KCNH8: variants seen among roughly 807,000 people sequenced by gnomAD.
KCNH8 encodes the protein potassium voltage-gated channel subfamily H member 8.
A neutral mutation model predicts 103.6 loss-of-function variants in KCNH8; 70 were observed. The ratio of observed to expected loss-of-function variants is 0.68; its 90% confidence interval spans 0.56 to 0.82. The LOEUF is 0.82. KCNH8 is among the 40% of genes least tolerant of loss of function. The probability of loss-of-function intolerance (pLI) is 0.00; values close to 1 mark genes in which losing one functional copy is unlikely to be tolerated. For synonymous variants in KCNH8, 498 were observed against 489.4 expected (o/e 1.02, Z -0.23); for missense variants, 1,217 against 1,329.9 (o/e 0.92, Z 1.32).
chr3:19,295,002 TA>T (rs1190692760), intron 3 of KCNH8, among the ~76,000 whole-genome samples: 2 of 152,200 alleles, frequency 1.3e-5, no homozygotes, highest in African/African-American at 4.8e-5. Context: ...ACTTTAAGAT[TA>T]AAACATCATT....
intron 2 of KCNH8, among the ~76,000 whole-genome samples, chr3:19,264,110 C>A (rs1253369493): frequency 6.6e-6 from 1 of 151,982 alleles, no homozygotes; most frequent in African/African-American, 2.4e-5. Context: ...TGAAGATTCT[C>A]CAATATATAT....
At chr3:19,488,368 GC>G (rs1393339365) in intron 11 of KCNH8, among the ~76,000 whole-genome samples, 1 of 152,182 alleles carries the variant, frequency 6.6e-6, no homozygotes, top group Non-Finnish European at 1.5e-5. Context: ...GCGGCTTGTT[GC>G]ATCTTTGTTC....
chr3:19,249,921 G>A (rs1575468397), intron 1 of KCNH8, among the ~76,000 whole-genome samples: 1 of 152,138 alleles, frequency 6.6e-6, no homozygotes, highest in Non-Finnish European at 1.5e-5. Context: ...TCTTTATGGG[G>A]TATCCTATAT....
intron 7 of KCNH8, among the ~76,000 whole-genome samples, chr3:19,419,347 C>G (rs2066915839): frequency 6.6e-6 from 1 of 151,308 alleles, no homozygotes; most frequent in South Asian, 2.1e-4. Context: ...CTACAGGCGC[C>G]CGCCACCACG....
At chr3:19,372,549 G>C (rs1233067253) in intron 5 of KCNH8, among the ~76,000 whole-genome samples, 9 of 152,064 alleles carry the variant, frequency 5.9e-5, no homozygotes, top group Admixed American at 5.2e-4. Flanking sequence ...CAATCATGTC[G>C]TCTGCAAACA....
intron 1 of KCNH8, among the ~76,000 whole-genome samples, chr3:19,160,882 C>G (rs886970259): frequency 2.0e-5 from 3 of 152,056 alleles, no homozygotes; most frequent in Non-Finnish European, 2.9e-5. Flanking sequence ...TTCAAGTAAA[C>G]CTTATTTTAC....
At chr3:19,447,452 T>G (rs2067379072) in intron 8 of KCNH8, among the ~76,000 whole-genome samples, 1 of 152,044 alleles carries the variant, frequency 6.6e-6, no homozygotes, top group Admixed American at 6.6e-5. Context: ...TCTCTTACTT[T>G]AAGTGCTTTA....
At chr3:19,497,779 G>T (rs1027375402) in intron 11 of KCNH8, among the ~76,000 whole-genome samples, 1 of 152,064 alleles carries the variant, frequency 6.6e-6, no homozygotes, top group Non-Finnish European at 1.5e-5. Flanking sequence ...TTGAATTCAG[G>T]TCTTCAATAT....
intron 5 of KCNH8, among the ~76,000 whole-genome samples, chr3:19,352,982 C>G (rs893021798): frequency 2.0e-5 from 3 of 151,658 alleles, no homozygotes; most frequent in Admixed American, 2.0e-4. Flanking sequence ...ATTGATAGAC[C>G]ACTAGCAAGA....
At chr3:19,334,601 C>T (rs1312816589) in intron 3 of KCNH8, among the ~76,000 whole-genome samples, 2 of 150,758 alleles carry the variant, frequency 1.3e-5, no homozygotes, top group Non-Finnish European at 2.9e-5. Context: ...AGTCCAGTCT[C>T]ATGTTCATTG....
chr3:19,321,503 T>A (rs1227108364), intron 3 of KCNH8, among the ~76,000 whole-genome samples: 1 of 151,974 alleles, frequency 6.6e-6, no homozygotes, highest in African/African-American at 2.4e-5. Context: ...GGGTTCCTAT[T>A]GGAGTTGATT....
At chr3:19,439,434 A>C (rs1221007445) in intron 8 of KCNH8, among the ~76,000 whole-genome samples, 1 of 152,224 alleles carries the variant, frequency 6.6e-6, no homozygotes, top group Non-Finnish European at 1.5e-5. Context: ...AAACGTGAGG[A>C]GAGATGGGAA....
In KCNH8 at chr3:19,437,615, T is replaced by G. The variant is rs2067218996; in HGVS notation, c.1178-549T>G. On this transcript the variant is annotated intron_variant, in intron 7 of 15. Coordinates refer to ENST00000328405, the MANE Select transcript of KCNH8 (RefSeq NM_144633.3). Reference sequence around the variant, plus strand: ...AGAAGGCTTCCTGAGTAAAGTAACATGAGCTGAGATTTGTAAAACAACTGG... The same window carrying G: ...AGAAGGCTTCCTGAGTAAAGTAACAGGAGCTGAGATTTGTAAAACAACTGG... Among the ~76,000 whole-genome samples the G allele has an allele frequency of 3.3e-5, 5 of 152,160 alleles. No individual in the cohort carries two copies. In the South Asian group the frequency reaches 1.0e-3, roughly 31 times the overall value.
chr3:19,286,115 T>C (rs2064828878), intron 3 of KCNH8, among the ~76,000 whole-genome samples: 1 of 152,152 alleles, frequency 6.6e-6, no homozygotes, highest in Non-Finnish European at 1.5e-5. Flanking sequence ...TATGCAGATA[T>C]ATTTCAGAGT....
rs771954038 is a variant in KCNH8, at chr3:19,253,711, G to C, written c.134G>C (p.Cys45Ser). ...QVAKGFPIVY[C>S]SDGFCELAGF... ...GCTAAGGGTTTCCCCATAGTCTACT[G>C]TTCCGATGGCTTCTGCGAGCTTGCT... Residue 45 changes from cysteine to serine, a missense_variant, in exon 2 of 16, where the codon TGT becomes TCT. Cys to Ser is a moderately radical substitution (Grantham distance 112). Coordinates refer to ENST00000328405, the MANE Select transcript of KCNH8 (RefSeq NM_144633.3). 17 of 1,613,596 alleles carry C rather than the reference G, an allele frequency of 1.1e-5. No individual in the cohort carries two copies. The East Asian group carries it at 3.6e-4, about 34-fold the overall frequency.
At chr3:19,472,441 T>A (rs956830868) in intron 11 of KCNH8, among the ~76,000 whole-genome samples, 5 of 152,186 alleles carry the variant, frequency 3.3e-5, no homozygotes, top group African/African-American at 1.2e-4. Flanking sequence ...TTTCCTGTGC[T>A]GTTCTTATGA....
At chr3:19,455,996 T>A (rs1053816998) in intron 10 of KCNH8, among the ~76,000 whole-genome samples, 1 of 152,012 alleles carries the variant, frequency 6.6e-6, no homozygotes, top group Non-Finnish European at 1.5e-5. Flanking sequence ...CAACTTTGAG[T>A]TTTGAGCAGC....
At chr3:19,180,494 G>T (rs1202233911) in intron 1 of KCNH8, among the ~76,000 whole-genome samples, 2 of 152,132 alleles carry the variant, frequency 1.3e-5, no homozygotes, top group African/African-American at 4.8e-5. Flanking sequence ...ATTAGGAATT[G>T]CCAACGTTAT....
intron 3 of KCNH8, among the ~76,000 whole-genome samples, chr3:19,302,175 T>C (rs959984192): frequency 6.6e-6 from 1 of 152,176 alleles, no homozygotes; most frequent in African/African-American, 2.4e-5. Context: ...ATCAAGTGAT[T>C]GGTTCCTCTG....
Sources: gnomAD v4.1 joint callset for allele counts (sites outside exome capture counted in the v4.1 genomes callset) on GRCh38, gnomAD v4.1.1 for gene constraint, MANE v1.5 for transcripts, NCBI Gene and HGNC (gene_info 2026-07-23, HGNC 2026-07-21) for gene names.